UBXN7: variants seen among roughly 807,000 people sequenced by gnomAD.
The protein encoded by UBXN7 is UBX domain protein 7.
In UBXN7, 9 loss-of-function variants were observed where a neutral mutation model predicts 58.0. The observed-to-expected ratio is 0.16, with a 90% CI of 0.09 to 0.27. The LOEUF is 0.27. UBXN7 is among the 10% of genes least tolerant of loss of function. The pLI is 1.00. For missense variants in UBXN7, 328 were observed against 599.6 expected (o/e 0.55, Z 4.73); for synonymous variants, 208 against 205.0 (o/e 1.01, Z -0.12).
chr3:196,381,225 G>C (rs1253445003), intron 5 of UBXN7, among the ~76,000 whole-genome samples: 1 of 152,258 alleles, frequency 6.6e-6, no homozygotes. Context: ...ACATCTCCCA[G>C]TAGGGGCCGA....
chr3:196,349,156 A>T lies in UBXN7; in HGVS notation c.*7529T>A, dbSNP rs1728155726. The T allele has an allele frequency of 6.6e-6, 1 of 152,222 alleles. No individual in the cohort carries two copies. The highest frequency in any genetic ancestry group is 1.5e-5 in the Non-Finnish European group (1 of 68,052). The allele number at this position is 152,222 out of a possible 1,614,324, so 9.4% of individuals were successfully genotyped here. ...TCATTTCTCTATATCTAAGACTAGA[A>T]GATTCTCTCACAGCTTTACTGTTTC... is the stretch of plus-strand genomic sequence containing the variant. On this transcript the variant is annotated 3_prime_UTR_variant, in exon 11 of 11. Transcript: ENST00000296328.
chr3:196,386,138 C>A (rs1424287217), intron 5 of UBXN7, among the ~76,000 whole-genome samples: 1 of 151,930 alleles, frequency 6.6e-6, no homozygotes, highest in Non-Finnish European at 1.5e-5. Context: ...GGATGAAGGG[C>A]GGTGCAAGAT....
intron 4 of UBXN7, 123 bp from the exon 5 acceptor site, chr3:196,392,048 A>G: frequency 1.7e-6 from 1 of 600,172 alleles, no homozygotes; most frequent in Non-Finnish European, 2.7e-6. Flanking sequence ...TTGACCTCAA[A>G]TACAAAGATC....
At chr3:196,371,791 C>CT in intron 6 of UBXN7, 105 bp downstream of exon 6, 3 of 1,437,568 alleles carry the variant, frequency 2.1e-6, no homozygotes, top group Non-Finnish European at 2.8e-6. Flanking sequence ...CCGGCTTTAC[C>CT]TTTTTTTAAA....
At position 196,432,417 on chromosome 3, in the gene UBXN7, CG is replaced by C; in HGVS notation, c.-19del. On this transcript the variant is annotated 5_prime_UTR_variant, in exon 1 of 11. Transcript: ENST00000296328. ...GCAGCCATCTTACCGCCGCCGCCGC[CG>C]CCGAACAACAACACAGACACACACG... 1 of 1,581,026 alleles carries C rather than the reference CG, an allele frequency of 6.3e-7. No individual in the cohort carries two copies. Among genetic ancestry groups the C allele is most frequent in the Non-Finnish European group, 8.6e-7 (1 of 1,159,856 alleles).
At chr3:196,425,000 C>G (rs1348535752) in intron 1 of UBXN7, among the ~76,000 whole-genome samples, 3 of 152,126 alleles carry the variant, frequency 2.0e-5, no homozygotes, top group Admixed American at 2.0e-4. Flanking sequence ...CCGCACCTAG[C>G]CCCATTTTTA....
intron 1 of UBXN7, among the ~76,000 whole-genome samples, chr3:196,417,809 C>G (rs1730549308): frequency 6.8e-6 from 1 of 147,822 alleles, no homozygotes; most frequent in African/African-American, 2.5e-5. Context: ...CCTGTAGTCC[C>G]AGCTACTCAG....
intron 1 of UBXN7, among the ~76,000 whole-genome samples, chr3:196,429,491 C>CT (rs1360972964): frequency 3.3e-5 from 5 of 151,388 alleles, no homozygotes; most frequent in South Asian, 2.1e-4. Flanking sequence ...TTTTCTTTTT[C>CT]TTTTTTTTGC....
intron 1 of UBXN7, among the ~76,000 whole-genome samples, chr3:196,427,811 A>C (rs1730896985): frequency 6.6e-6 from 1 of 152,220 alleles, no homozygotes. Flanking sequence ...TGGTTTTCTT[A>C]TGTAGCTTTA....
At position 196,356,675 on chromosome 3, in the gene UBXN7, A is replaced by G; in HGVS notation, c.*10T>C. The G allele has an allele frequency of 1.3e-6, 2 of 1,589,700 alleles. No individual in the cohort carries two copies. The highest frequency in any genetic ancestry group is 2.3e-5 in the South Asian group (2 of 86,246). ...AAAAGGGGTAAGCTGAGAGAGGTCA[A>G]GCCATGGTGTTAATTTCTTTCCTGT... On this transcript the variant is annotated 3_prime_UTR_variant, in exon 11 of 11. Coordinates refer to ENST00000296328, the MANE Select transcript of UBXN7 (RefSeq NM_015562.2).
chr3:196,408,728 A>G (rs185864423), intron 1 of UBXN7, among the ~76,000 whole-genome samples: 55 of 152,324 alleles, frequency 3.6e-4, no homozygotes, highest in Non-Finnish European at 3.2e-4. Context: ...AATATTGAAG[A>G]CAGCATTCCA....
intron 8 of UBXN7, among the ~76,000 whole-genome samples, chr3:196,366,166 T>C (rs1035597762): frequency 6.6e-6 from 1 of 152,136 alleles, no homozygotes; most frequent in Non-Finnish European, 1.5e-5. Context: ...TTTCCTTAAA[T>C]AGGCACTTTA....
intron 5 of UBXN7, among the ~76,000 whole-genome samples, chr3:196,376,603 C>G (rs1285180763): frequency 6.9e-6 from 1 of 144,836 alleles, no homozygotes; most frequent in African/African-American, 2.5e-5. Flanking sequence ...TAGTTACTAA[C>G]TAGGCTCTTC....
intron 5 of UBXN7, among the ~76,000 whole-genome samples, chr3:196,388,288 T>G (rs1183235516): frequency 1.5e-5 from 1 of 68,802 alleles, no homozygotes; most frequent in East Asian, 4.3e-4. Flanking sequence ...CACTGGGGCC[T>G]GTCGGGGGCT....
At chr3:196,359,730 C>A (rs187907131) in intron 10 of UBXN7, among the ~76,000 whole-genome samples, 9 of 152,170 alleles carry the variant, frequency 5.9e-5, no homozygotes, top group Middle Eastern at 3.4e-3. Flanking sequence ...CATGGTGAAA[C>A]CCCATCTCCA....
intron 1 of UBXN7, among the ~76,000 whole-genome samples, chr3:196,413,115 C>T (rs1730382761): frequency 6.6e-6 from 1 of 152,014 alleles, no homozygotes; most frequent in Non-Finnish European, 1.5e-5. Flanking sequence ...CCGACGTGGG[C>T]GGATCACTTG....
rs61742253 is a variant in UBXN7, at chr3:196,371,925, T to C, written c.586A>G (p.Ile196Val). The C allele has an allele frequency of 2.8e-3, 4,459 of 1,613,070 alleles. 14 individuals are homozygous for C. The highest frequency in any genetic ancestry group is 8.3e-3 in the Middle Eastern group (50 of 6,058). The part of the protein sequence containing the change: ...DVWSNEAVKN[I>V]IREHFIFWQV... ...CAGAAAATGAAATGTTCCCGGATAA[T>C]ATTCTTCACAGCTTCGTTGCTCCAC... The change falls in exon 6 of 11, where the codon ATT (isoleucine) becomes GTT (valine). Residue 196 changes from isoleucine (I) to valine (V), a missense_variant. Coordinates refer to ENST00000296328, the MANE Select transcript of UBXN7 (RefSeq NM_015562.2).
At chr3:196,361,958 G>C in intron 9 of UBXN7, 35 bp from the exon 10 acceptor site, 2 of 1,407,172 alleles carry the variant, frequency 1.4e-6, no homozygotes, top group East Asian at 2.3e-5. Flanking sequence ...AAAAAAACGG[G>C]ATACAGGAGT....
intron 7 of UBXN7, 97 bp from the exon 8 acceptor site, chr3:196,368,252 T>A: frequency 8.0e-7 from 1 of 1,247,778 alleles, no homozygotes; most frequent in Middle Eastern, 2.7e-4. Context: ...AGAATCCTTC[T>A]GAACACTCTC....
Sources: gnomAD v4.1 joint callset for allele counts (sites outside exome capture counted in the v4.1 genomes callset) on GRCh38, gnomAD v4.1.1 for gene constraint, MANE v1.5 for transcripts, NCBI Gene and HGNC (gene_info 2026-07-23, HGNC 2026-07-21) for gene names.